MKLN1: variants seen among roughly 807,000 people sequenced by gnomAD.
The protein encoded by MKLN1 is muskelin.
In MKLN1, 18 loss-of-function variants were observed where a neutral mutation model predicts 99.0. That is an observed-to-expected ratio of 0.18 (90% CI 0.13 to 0.27). MKLN1 has a LOEUF of 0.27. MKLN1 is among the 10% of genes least tolerant of loss of function. The pLI is 1.00. For missense variants in MKLN1, 621 were observed against 875.9 expected (o/e 0.71, Z 3.67); for synonymous variants, 288 against 293.2 (o/e 0.98, Z 0.18).
intron 2 of MKLN1, among the ~76,000 whole-genome samples, chr7:131,146,265 C>G (rs1795814160): frequency 6.6e-6 from 1 of 152,132 alleles, no homozygotes; most frequent in South Asian, 2.1e-4. Context: ...TCACTAGAAT[C>G]CAGGAGTTCA....
At chr7:131,405,147 G>A (rs1203218059) in intron 6 of MKLN1, among the ~76,000 whole-genome samples, 1 of 152,044 alleles carries the variant, frequency 6.6e-6, no homozygotes, top group Non-Finnish European at 1.5e-5. Flanking sequence ...GGGTATTAAG[G>A]TATACCTAAT....
chr7:131,178,099 A>C (rs2116351011), intron 2 of MKLN1, among the ~76,000 whole-genome samples: 1 of 152,106 alleles, frequency 6.6e-6, no homozygotes, highest in South Asian at 2.1e-4. Flanking sequence ...CCCATCCACT[A>C]ACTTCTGCTT....
At chr7:131,177,380 A>G (rs775012221) in intron 2 of MKLN1, among the ~76,000 whole-genome samples, 2 of 25,820 alleles carry the variant, frequency 7.7e-5, no homozygotes, top group Non-Finnish European at 1.6e-4. Flanking sequence ...AGGCAGAAGA[A>G]TCGCTTGAAC....
chr7:131,397,337 T>A lies in MKLN1; in HGVS notation c.471T>A (p.Asp157Glu). Reference protein sequence around the residue: ...IWYVELSGIDDPDIVQPCLNW... With the variant: ...IWYVELSGIDEPDIVQPCLNW... The stretch of plus-strand genomic sequence containing the variant: ...ATGTTGAACTTAGTGGCATTGATGA[T>A]CCTGATATAGTACAACCTTGTCTCA... The change falls in exon 5 of 18, where the codon GAT becomes GAA. Residue 157 changes from aspartate to glutamate, a missense_variant. Coordinates refer to ENST00000352689, the MANE Select transcript of MKLN1 (RefSeq NM_013255.5). 1 of 1,613,136 alleles carries A rather than the reference T, an allele frequency of 6.2e-7. No individual in the cohort carries two copies. Among genetic ancestry groups the A allele is most frequent in the Non-Finnish European group, 8.5e-7 (1 of 1,179,348 alleles).
At chr7:131,240,952 A>G (rs1370305290) in intron 3 of MKLN1, among the ~76,000 whole-genome samples, 2 of 152,232 alleles carry the variant, frequency 1.3e-5, no homozygotes, top group East Asian at 1.9e-4. Flanking sequence ...AAGCTTAGAA[A>G]GACACCTTGG....
At chr7:131,223,609 G>A (rs1405020878) in intron 3 of MKLN1, among the ~76,000 whole-genome samples, 1 of 152,026 alleles carries the variant, frequency 6.6e-6, no homozygotes, top group Admixed American at 6.6e-5. Context: ...CAAGGCCTCT[G>A]CCCATTCTCC....
chr7:131,479,766 G>T (rs1453560615), intron 17 of MKLN1, among the ~76,000 whole-genome samples: 1 of 151,946 alleles, frequency 6.6e-6, no homozygotes, highest in South Asian at 2.1e-4. Flanking sequence ...GGCAGAGCTC[G>T]CAGTGAGCCG....
At chr7:131,266,885 G>C (rs978631868) in intron 3 of MKLN1, among the ~76,000 whole-genome samples, 1 of 151,926 alleles carries the variant, frequency 6.6e-6, no homozygotes, top group Admixed American at 6.6e-5. Context: ...GGGGAAAAAG[G>C]ATAGAAGGAA....
At chr7:131,251,143 TA>T in intron 3 of MKLN1, among the ~76,000 whole-genome samples, 1 of 149,116 alleles carries the variant, frequency 6.7e-6, no homozygotes, top group Non-Finnish European at 1.5e-5. Context: ...TTGACCATCT[TA>T]AAGTGTATAA....
intron 1 of MKLN1, among the ~76,000 whole-genome samples, chr7:131,122,809 C>T (rs1421674023): frequency 1.3e-5 from 2 of 151,834 alleles, no homozygotes; most frequent in African/African-American, 4.8e-5. Flanking sequence ...ATCACGAGGT[C>T]GGGAGATGGA....
At position 131,491,082 on chromosome 7, in the gene MKLN1, T is replaced by C. The variant is rs1797410483; in HGVS notation, c.*3354T>C. The C allele has an allele frequency of 6.6e-6, 1 of 152,166 alleles. No individual in the cohort carries two copies. The highest frequency in any genetic ancestry group is 1.5e-5 in the Non-Finnish European group (1 of 68,010). The allele number at this position is 152,166 out of a possible 1,614,324, so 9.4% of individuals were successfully genotyped here. A position where few individuals can be genotyped will look rare whatever the true frequency, so the allele number is the denominator to read the frequency against. Reference sequence around the variant, plus strand: ...CTACATGGAATTCACTGGGTAATTGTGGGTCATTTATTTCCTGAAAGTCAC... The same window carrying C: ...CTACATGGAATTCACTGGGTAATTGCGGGTCATTTATTTCCTGAAAGTCAC... On this transcript the variant is annotated 3_prime_UTR_variant, in exon 18 of 18. Coordinates refer to ENST00000352689, the MANE Select transcript of MKLN1 (RefSeq NM_013255.5).
chr7:131,462,472 C>T (rs576560057), intron 12 of MKLN1, among the ~76,000 whole-genome samples: 2 of 152,172 alleles, frequency 1.3e-5, no homozygotes, highest in Non-Finnish European at 2.9e-5. Context: ...TTAATCTCTA[C>T]TATCAAATTA....
At chr7:131,279,479 A>G (rs140769084) in intron 3 of MKLN1, among the ~76,000 whole-genome samples, 34 of 152,262 alleles carry the variant, frequency 2.2e-4, no homozygotes, top group Middle Eastern at 3.4e-3. Context: ...AGTGAGATCT[A>G]TTTCACATAC....
At chr7:131,305,042 G>A (rs564050925) in intron 3 of MKLN1, among the ~76,000 whole-genome samples, 17 of 152,160 alleles carry the variant, frequency 1.1e-4, no homozygotes, top group Non-Finnish European at 1.8e-4. Context: ...GCAACAAGGC[G>A]TCATCTTGGA....
intron 1 of MKLN1, among the ~76,000 whole-genome samples, chr7:131,329,434 T>A (rs1777539545): frequency 6.6e-6 from 1 of 152,218 alleles, no homozygotes. Context: ...AGCCATGTAG[T>A]TGGAGTTGAA....
chr7:131,354,551 G>A (rs1472426227), intron 1 of MKLN1, among the ~76,000 whole-genome samples: 2 of 151,668 alleles, frequency 1.3e-5, no homozygotes, highest in Non-Finnish European at 2.9e-5. Context: ...TTTTCACGTA[G>A]GCAAATTATG....
intron 3 of MKLN1, among the ~76,000 whole-genome samples, chr7:131,306,828 G>T (rs1398082917): frequency 6.6e-6 from 1 of 152,214 alleles, no homozygotes. Flanking sequence ...AATTCAAGCT[G>T]CCAGCTGCAA....
chr7:131,157,482 A>T (rs946255195), intron 2 of MKLN1, among the ~76,000 whole-genome samples: 1 of 152,152 alleles, frequency 6.6e-6, no homozygotes, highest in African/African-American at 2.4e-5. Flanking sequence ...TTCATTCCTC[A>T]TCTGTAACAT....
Position 131,233,708 on chromosome 7 carries a change from A to C in MKLN1, c.-179+30734A>C, listed in dbSNP as rs1797275946. Among the ~76,000 whole-genome samples the C allele has an allele frequency of 2.6e-5, 4 of 152,030 alleles. No homozygotes were observed. In the South Asian group the frequency reaches 8.3e-4, roughly 31 times the overall value. On this transcript the variant is annotated intron_variant, in intron 3 of 7. Coordinates refer to the MKLN1 transcript ENST00000416992. The stretch of plus-strand genomic sequence containing the variant: ...AATTATAATTTATTCAAATAATATG[A>C]ATGTACTAATTGAGACTTTTAAAAA...
Sources: allele counts gnomAD v4.1 joint callset (sites outside exome capture counted in the v4.1 genomes callset), GRCh38; gene constraint gnomAD v4.1.1; transcripts MANE v1.5; gene names NCBI Gene and HGNC (gene_info 2026-07-23, HGNC 2026-07-21).